FGD5: variants seen among roughly 807,000 people sequenced by gnomAD.
The protein encoded by FGD5 is FYVE, RhoGEF and PH domain containing 5.
In FGD5, 28 loss-of-function variants were observed where a neutral mutation model predicts 133.4. The observed-to-expected ratio is 0.21, with a 90% confidence interval of 0.16 to 0.29. The LOEUF (loss-of-function observed/expected upper bound fraction) is 0.29, where lower values mean the gene tolerates loss of function less well. FGD5 is among the 10% of genes least tolerant of loss of function. The pLI, the probability that FGD5 is intolerant of heterozygous loss-of-function variation, is 1.00. For synonymous variants in FGD5, 810 were observed against 776.5 expected, an observed-to-expected ratio of 1.04 and a Z score of -0.72; for missense variants, 1,858 against 1,895.2, an observed-to-expected ratio of 0.98 and a Z score of 0.36.
rs564657045 is a variant in FGD5, at chr3:14,860,287, C to T, written c.2526-3841C>T. The stretch of plus-strand genomic sequence containing the variant: ...GAGTCTGGTTTGTCCACTCTCTGGG[C>T]TTCAGCGGGGCTTCCTTTAAGTGTT... On this transcript the variant is annotated intron_variant, in intron 1 of 19. Coordinates refer to ENST00000285046, the MANE Select transcript of FGD5 (RefSeq NM_152536.4). 4.3e-4 allele frequency among the ~76,000 whole-genome samples: 65 copies of T among 152,348 alleles called. 1 individual carries two copies. In the South Asian group the frequency reaches 8.1e-3, roughly 19 times the overall value.
At chr3:14,918,597 C>T (rs967038969) in intron 12 of FGD5, among the ~76,000 whole-genome samples, 157 bp from the exon 13 acceptor site, 1 of 152,204 alleles carries the variant, frequency 6.6e-6, no homozygotes, top group African/African-American at 2.4e-5. Context: ...CAGCCAGGCA[C>T]CTTCCACAGC....
chr3:14,826,953 G>C (rs749073375), intron 1 of FGD5, among the ~76,000 whole-genome samples: 12 of 152,172 alleles, frequency 7.9e-5, no homozygotes, highest in Non-Finnish European at 1.8e-4. Flanking sequence ...GAGCAATATT[G>C]ATTTGGAGTC....
intron 2 of FGD5, among the ~76,000 whole-genome samples, chr3:14,875,323 AG>A (rs75182489): frequency 0.14 from 21,840 of 151,960 alleles, 1,886 homozygotes; most frequent in East Asian, 0.39. Flanking sequence ...GGGTTATTTT[AG>A]GGGGGCTGCG....
intron 1 of FGD5, among the ~76,000 whole-genome samples, chr3:14,837,585 A>G (rs1204139014): frequency 6.6e-6 from 1 of 152,092 alleles, no homozygotes; most frequent in African/African-American, 2.4e-5. Flanking sequence ...GGGTTTTTGT[A>G]TAAAGCCCAG....
At chr3:14,867,560 A>C (rs2037519556) in intron 2 of FGD5, among the ~76,000 whole-genome samples, 1 of 152,316 alleles carries the variant, frequency 6.6e-6, no homozygotes, top group African/African-American at 2.4e-5. Flanking sequence ...ACCATGTGAC[A>C]GTCCCCCAAG....
At chr3:14,840,586 T>C (rs2036903289) in intron 1 of FGD5, among the ~76,000 whole-genome samples, 1 of 152,246 alleles carries the variant, frequency 6.6e-6, no homozygotes, top group South Asian at 2.1e-4. Context: ...TCCACTCCCG[T>C]TCTTTTTAAT....
intron 1 of FGD5, among the ~76,000 whole-genome samples, chr3:14,837,461 C>T (rs370303572): frequency 6.6e-6 from 1 of 151,982 alleles, no homozygotes; most frequent in Non-Finnish European, 1.5e-5. Context: ...CTAACGGTTG[C>T]GGGGGCTGGG....
chr3:14,900,224 C>T (rs778176653), intron 7 of FGD5, among the ~76,000 whole-genome samples, 179 bp from the exon 8 acceptor site: 15 of 152,158 alleles, frequency 9.9e-5, no homozygotes, highest in Non-Finnish European at 1.9e-4. Flanking sequence ...GGCAGCAATG[C>T]TGACAGTGGT....
intron 16 of FGD5, chr3:14,923,477 A>G: frequency 2.5e-6 from 1 of 398,618 alleles, no homozygotes; most frequent in Non-Finnish European, 4.7e-6. Context: ...CCTCTTGTCA[A>G]GTATCCTATA....
At chr3:14,901,315 C>G (rs778249125) in intron 9 of FGD5, among the ~76,000 whole-genome samples, 1 of 152,238 alleles carries the variant, frequency 6.6e-6, no homozygotes, top group Non-Finnish European at 1.5e-5. Flanking sequence ...GAGGCCACCC[C>G]CATCAGCACC....
intron 1 of FGD5, among the ~76,000 whole-genome samples, chr3:14,856,511 A>C (rs964563502): frequency 3.3e-5 from 5 of 152,074 alleles, no homozygotes; most frequent in Admixed American, 2.0e-4. Flanking sequence ...ATGAGCATGG[A>C]ATGTCTATTT....
At chr3:14,869,166 T>C (rs1028926462) in intron 2 of FGD5, among the ~76,000 whole-genome samples, 9 of 152,024 alleles carry the variant, frequency 5.9e-5, no homozygotes, top group Admixed American at 2.0e-4. Context: ...TGGTGGCACG[T>C]GCCTGTAGTC....
At chr3:14,886,816 A>C (rs1346571078) in intron 4 of FGD5, among the ~76,000 whole-genome samples, 2 of 152,186 alleles carry the variant, frequency 1.3e-5, no homozygotes, top group Non-Finnish European at 2.9e-5. Flanking sequence ...GTAACTTCCA[A>C]GTATTTGTGT....
intron 17 of FGD5, among the ~76,000 whole-genome samples, chr3:14,924,827 C>T (rs951642127): frequency 6.6e-6 from 1 of 152,068 alleles, no homozygotes; most frequent in African/African-American, 2.4e-5. Flanking sequence ...TACGGCCGGG[C>T]GCGGTGGCTC....
chr3:14,925,582 A>AC (rs1175037987), intron 17 of FGD5, among the ~76,000 whole-genome samples: 1 of 151,840 alleles, frequency 6.6e-6, no homozygotes, highest in Non-Finnish European at 1.5e-5. Flanking sequence ...GAATACTACT[A>AC]CCCCCCGCCA....
chr3:14,811,250 G>A (rs747037775), intron 1 of FGD5: 1 of 152,190 alleles, frequency 6.6e-6, no homozygotes, highest in Non-Finnish European at 1.5e-5. Flanking sequence ...CCAGCGTCCC[G>A]GACCGGTCCT....
intron 19 of FGD5, 135 bp downstream of exon 19, chr3:14,932,866 A>G (rs939180023): frequency 9.5e-7 from 1 of 1,054,568 alleles, no homozygotes; most frequent in Non-Finnish European, 1.4e-6. Flanking sequence ...GCAGAACTGC[A>G]GAACTACCTG....
At chr3:14,905,203 G>T (rs1386534891) in intron 9 of FGD5, among the ~76,000 whole-genome samples, 1 of 152,134 alleles carries the variant, frequency 6.6e-6, no homozygotes, top group African/African-American at 2.4e-5. Flanking sequence ...CCACTCCACT[G>T]TCTTCTGGTG....
At chr3:14,882,961 A>T (rs2037855349) in intron 4 of FGD5, among the ~76,000 whole-genome samples, 2 of 152,162 alleles carry the variant, frequency 1.3e-5, no homozygotes, top group Non-Finnish European at 2.9e-5. Context: ...GGTGCTGTCG[A>T]GATCCCAAGG....
Sources: allele counts gnomAD v4.1 joint callset (sites outside exome capture counted in the v4.1 genomes callset), GRCh38; gene constraint gnomAD v4.1.1; transcripts MANE v1.5; gene names NCBI Gene and HGNC (gene_info 2026-07-23, HGNC 2026-07-21).